Variants in ARFGEF1 observed in about 807,000 individuals in gnomAD.
ARFGEF1 encodes brefeldin A-inhibited guanine nucleotide-exchange protein 1.
ARFGEF1 carries 42 observed loss-of-function variants against 231.0 expected under a neutral mutation model. That is an observed-to-expected ratio of 0.18 (90% CI 0.14 to 0.24). ARFGEF1 has a LOEUF of 0.24. Ranked by LOEUF, ARFGEF1 falls within the 10% of genes least tolerant of loss-of-function variation. The probability of loss-of-function intolerance (pLI) is 1.00; values close to 1 mark genes in which losing one functional copy is unlikely to be tolerated. For missense variants in ARFGEF1, 1,345 were observed against 2,192.0 expected (o/e 0.61, Z 7.72); for synonymous variants, 710 against 732.3 (o/e 0.97, Z 0.49).
At chr8:67,269,587 G>A (rs1282621573) in intron 10 of ARFGEF1, among the ~76,000 whole-genome samples, 1 of 151,862 alleles carries the variant, frequency 6.6e-6, no homozygotes. Context: ...CTGACCTCAG[G>A]TGATCCACCC....
rs990444368 is a variant in ARFGEF1, at chr8:67,343,427, G to T, written c.-140C>A. 21 of 1,411,078 alleles carry T rather than the reference G, an allele frequency of 1.5e-5. No homozygotes were observed. Among genetic ancestry groups the T allele is most frequent in the Admixed American group, 2.4e-5 (1 of 41,268 alleles). The allele number at this position is 1,411,078 out of a possible 1,614,324, so 87.4% of individuals were successfully genotyped here. On this transcript the variant is annotated 5_prime_UTR_variant, in exon 1 of 39. Transcript: ENST00000262215. ...TTGGAGGCGTGGAGGGCAGCGGCAG[G>T]ATCAGGAAGGGGCGGGCGAGCGGGA...
intron 22 of ARFGEF1, among the ~76,000 whole-genome samples, chr8:67,236,590 C>T (rs1016281805): frequency 1.3e-5 from 2 of 151,764 alleles, no homozygotes; most frequent in Admixed American, 6.6e-5. Context: ...GACGGCCCAA[C>T]GGGAGGGCTC....
chr8:67,236,368 ATATATATATATATATAT>A (rs1563855695), intron 22 of ARFGEF1, among the ~76,000 whole-genome samples: 1,284 of 26,216 alleles, frequency 0.049, 118 homozygotes, highest in African/African-American at 0.095. Context: ...AAAAAAAAAT[ATATATATATATATATAT>A]ATATATATAT....
chr8:67,284,112 GATAT>G (rs1292799936), intron 7 of ARFGEF1, among the ~76,000 whole-genome samples: 1 of 152,104 alleles, frequency 6.6e-6, no homozygotes, highest in Non-Finnish European at 1.5e-5. Context: ...AATAAACTAT[GATAT>G]ATCTGCATAA....
Position 67,199,209 on chromosome 8 carries a change from T to A in ARFGEF1, c.5386-111A>T, listed in dbSNP as rs1587016570. 6.1e-6 allele frequency: 8 copies of A among 1,310,996 alleles called. No homozygotes were observed. In the East Asian group the frequency reaches 7.8e-5, roughly 13 times the overall value. The allele number at this position is 1,310,996 out of a possible 1,614,324, so 81.2% of individuals were successfully genotyped here. ...CATCACAGGAGCCAGGAAAGCAGGGTCCACAGCAGGCAGTGACTCTGGTTT... is the reference window on the plus strand; with the variant it reads ...CATCACAGGAGCCAGGAAAGCAGGGACCACAGCAGGCAGTGACTCTGGTTT... On this transcript the variant is annotated intron_variant, in intron 38 of 38. Coordinates refer to ENST00000262215, the MANE Select transcript of ARFGEF1 (RefSeq NM_006421.5).
chr8:67,306,001 C>T (rs940477463), intron 1 of ARFGEF1, among the ~76,000 whole-genome samples: 12 of 152,176 alleles, frequency 7.9e-5, no homozygotes, highest in Non-Finnish European at 1.5e-4. Context: ...CATAATTTCA[C>T]AGACAGAAGA....
rs1805948375 is a variant in ARFGEF1, at chr8:67,290,215, T to C, written c.916+1632A>G. 1.3e-5 allele frequency among the ~76,000 whole-genome samples: 2 copies of C among 152,182 alleles called. 1 individual carries two copies. The highest frequency in any genetic ancestry group is 2.9e-5 in the Non-Finnish European group (2 of 68,038). ...AAACTATGTCTTTCTAACTCTATAT[T>C]CTACAAGGCTTCTACAGCGGTACCT... On this transcript the variant is annotated intron_variant, in intron 6 of 38. Transcript: ENST00000262215.
downstream of ARFGEF1, chr8:67,195,480 A>G: frequency 1.9e-6 from 3 of 1,614,216 alleles, no homozygotes; most frequent in Non-Finnish European, 2.5e-6. Flanking sequence ...CCGCCCTGGC[A>G]CTTCAGAAAC....
chr8:67,266,820 C>A, intron 13 of ARFGEF1, 56 bp downstream of exon 13: 1 of 1,415,344 alleles, frequency 7.1e-7, no homozygotes. Context: ...CAACTATCCT[C>A]CAAAGTATTA....
intron 5 of ARFGEF1, among the ~76,000 whole-genome samples, chr8:67,192,403 T>C (rs903285737): frequency 2.0e-5 from 3 of 152,192 alleles, no homozygotes; most frequent in Non-Finnish European, 4.4e-5. Flanking sequence ...TGAATTGTCT[T>C]TTTATTGAGT....
intron 10 of ARFGEF1, among the ~76,000 whole-genome samples, chr8:67,267,956 AC>A (rs1804917245): frequency 2.0e-5 from 3 of 152,192 alleles, no homozygotes; most frequent in African/African-American, 7.2e-5. Flanking sequence ...GAAAATCTCT[AC>A]TGTTTGAAAA....
At chr8:67,331,823 C>T (rs1808113677) in intron 1 of ARFGEF1, among the ~76,000 whole-genome samples, 1 of 152,118 alleles carries the variant, frequency 6.6e-6, no homozygotes, top group Non-Finnish European at 1.5e-5. Flanking sequence ...TCTTGTCCTC[C>T]TCAGTGCTCT....
intron 19 of ARFGEF1, among the ~76,000 whole-genome samples, chr8:67,244,091 A>G (rs1840017950): frequency 6.6e-6 from 1 of 151,266 alleles, no homozygotes; most frequent in Non-Finnish European, 1.5e-5. Context: ...AAATACAAAA[A>G]ATCAGCCAGA....
At chr8:67,305,222 A>G (rs1429197847) in intron 1 of ARFGEF1, among the ~76,000 whole-genome samples, 7 of 152,204 alleles carry the variant, frequency 4.6e-5, no homozygotes, top group Admixed American at 3.3e-4. Context: ...ATTCTAAAAC[A>G]TGGGTGAACA....
intron 10 of ARFGEF1, among the ~76,000 whole-genome samples, chr8:67,271,002 C>T (rs1374197928): frequency 5.1e-5 from 4 of 78,984 alleles, no homozygotes; most frequent in East Asian, 4.3e-4. Flanking sequence ...CCAGCCTGGG[C>T]AATAAGAGGG....
chr8:67,215,681 C>T (rs1009286882), intron 33 of ARFGEF1, among the ~76,000 whole-genome samples: 16 of 152,160 alleles, frequency 1.1e-4, no homozygotes, highest in Admixed American at 3.3e-4. Context: ...AGAAGCTGGA[C>T]GAAGCTAGTA....
At chr8:67,228,288 A>T (rs369105878) in intron 23 of ARFGEF1, 24 bp from the exon 24 acceptor site, 37 of 1,590,326 alleles carry the variant, frequency 2.3e-5, no homozygotes, top group African/African-American at 2.3e-4. Flanking sequence ...AACACAATTT[A>T]AAAAATTTAT....
chr8:67,188,470 G>T (rs567234975), intron 5 of ARFGEF1, among the ~76,000 whole-genome samples: 1 of 152,292 alleles, frequency 6.6e-6, no homozygotes, highest in East Asian at 1.9e-4. Flanking sequence ...ATCATATATC[G>T]CCTGAGAGCA....
chr8:67,300,630 C>G (rs1806436424), intron 3 of ARFGEF1, among the ~76,000 whole-genome samples: 1 of 144,238 alleles, frequency 6.9e-6, no homozygotes, highest in Middle Eastern at 3.7e-3. Context: ...CAAGACCAGC[C>G]TGGCCAACAT....
Sources: allele counts gnomAD v4.1 joint callset (sites outside exome capture counted in the v4.1 genomes callset), GRCh38; gene constraint gnomAD v4.1.1; transcripts MANE v1.5; gene names NCBI Gene and HGNC (gene_info 2026-07-23, HGNC 2026-07-21).